GALNT9: variants seen among roughly 807,000 people sequenced by gnomAD.
The protein encoded by GALNT9 is polypeptide N-acetylgalactosaminyltransferase 9.
In GALNT9, 47 loss-of-function variants were observed where a neutral mutation model predicts 63.1. The ratio of observed to expected loss-of-function variants is 0.75; its 90% CI spans 0.59 to 0.95. The LOEUF (loss-of-function observed/expected upper bound fraction) is 0.95, where lower values mean the gene tolerates loss of function less well. Ranked by LOEUF, GALNT9 falls within the 40% of genes least tolerant of loss-of-function variation. The pLI is 0.00. For missense variants in GALNT9, 829 were observed against 874.8 expected (o/e 0.95, Z 0.66); for synonymous variants, 396 against 365.7 (o/e 1.08, Z -0.94).
At chr12:132,260,299 AGTCGGGCCCTGCCCACAC>A (rs1879327280) in intron 4 of GALNT9, among the ~76,000 whole-genome samples, 1 of 151,914 alleles carries the variant, frequency 6.6e-6, no homozygotes, top group Non-Finnish European at 1.5e-5. Flanking sequence ...CACACCTTGG[AGTCGGGCCCTGCCCACAC>A]CTTGGAGTCG....
At position 132,246,905 on chromosome 12, in the gene GALNT9, G is replaced by C. The variant is rs1331032522; in HGVS notation, c.1077+1005C>G. On this transcript the variant is annotated intron_variant, in intron 6 of 10. Transcript: ENST00000328957. The surrounding 1 kb of genome is among the most constrained non-coding windows in gnomAD (Gnocchi z 4.7). ...GGGGAAGGAGGCCGTTTTATTGATT[G>C]AATTTGTGTCCACGATAGTACGATC... Among the ~76,000 whole-genome samples, 6 of 152,200 alleles carry C rather than the reference G, an allele frequency of 3.9e-5. No homozygotes were observed. The East Asian group carries it at 1.2e-3, about 29-fold the overall frequency.
chr12:132,210,164 C>T (rs151201800), intron 6 of GALNT9, among the ~76,000 whole-genome samples: 4,608 of 152,222 alleles, frequency 0.03, 110 homozygotes, highest in South Asian at 0.069. Flanking sequence ...CCCTGGGGCC[C>T]GTCGTCTGCA....
chr12:132,327,102 G>A lies in GALNT9; in HGVS notation c.238+1864C>T, dbSNP rs1555246565. On this transcript the variant is annotated intron_variant, in intron 1 of 10. Transcript: ENST00000328957. The surrounding 1 kb of genome is among the most constrained non-coding windows in gnomAD (Gnocchi z 4.3). The stretch of plus-strand genomic sequence containing the variant: ...GCCTCATCAAAAGGTTGAGGGCAAA[G>A]ACAGAGGCAGACAGATGGCAGGGGC... 6.6e-6 allele frequency among the ~76,000 whole-genome samples: 1 copy of A among 152,170 alleles called. No homozygotes were observed. Among genetic ancestry groups the A allele is most frequent in the Non-Finnish European group, 1.5e-5 (1 of 68,038 alleles).
chr12:132,219,724 G>A lies in GALNT9; in HGVS notation c.1078-16034C>T, dbSNP rs562039909. On this transcript the variant is annotated intron_variant, in intron 6 of 10. Transcript: ENST00000328957. ...GGTAAGGGGAAGGGACACCTCCCCA[G>A]GGTGACACCCGCCCGGGTAAGGGGA... 9.1e-5 allele frequency among the ~76,000 whole-genome samples: 13 copies of A among 143,336 alleles called. No homozygotes were observed. In the South Asian group the frequency reaches 2.6e-3, roughly 28 times the overall value. 94.0% of individuals were successfully genotyped at this position (143,336 alleles called of 152,430 possible). A position where few individuals can be genotyped will look rare whatever the true frequency, so the allele number is the denominator to read the frequency against.
In GALNT9 at chr12:132,296,920, C is replaced by G. The variant is rs1555243320; in HGVS notation, c.239-10490G>C. Among the ~76,000 whole-genome samples, 1 of 152,084 alleles carries G rather than the reference C, an allele frequency of 6.6e-6. No homozygotes were observed. The highest frequency in any genetic ancestry group is 1.5e-5 in the Non-Finnish European group (1 of 68,002). ...CAACTCACTCCCAAGATACCCAACT[C>G]ACTCCTGAAATAACAAAGCCACTCC... is the stretch of plus-strand genomic sequence containing the variant. On this transcript the variant is annotated intron_variant, in intron 1 of 10. Transcript: ENST00000328957. This position sits in a 1 kb window ranked among gnomAD's most constrained non-coding sequence, Gnocchi z 4.2.
intron 4 of GALNT9, among the ~76,000 whole-genome samples, chr12:132,259,211 A>G (rs1394697343): frequency 2.6e-5 from 4 of 152,248 alleles, no homozygotes; most frequent in South Asian, 2.1e-4. Flanking sequence ...TTGCAGATGG[A>G]TAACTGGGTT....
chr12:132,254,738 T>C (rs1405343738), intron 5 of GALNT9, among the ~76,000 whole-genome samples: 1 of 152,222 alleles, frequency 6.6e-6, no homozygotes, highest in Non-Finnish European at 1.5e-5. Flanking sequence ...TTCTTTCTCT[T>C]GAAATAGTCA....
intron 6 of GALNT9, among the ~76,000 whole-genome samples, chr12:132,215,010 C>A: frequency 6.6e-6 from 1 of 152,378 alleles, no homozygotes; most frequent in East Asian, 1.9e-4. Context: ...AACCTGCCGG[C>A]CTCTGTAGCA....
At chr12:132,266,278 G>A (rs1424581714) in intron 2 of GALNT9, among the ~76,000 whole-genome samples, 8 of 152,186 alleles carry the variant, frequency 5.3e-5, no homozygotes, top group African/African-American at 1.9e-4. Flanking sequence ...GACTCCCCTC[G>A]AGCTAAGGGG....
At chr12:132,324,199 C>T (rs1251980309) in intron 1 of GALNT9, among the ~76,000 whole-genome samples, 1 of 152,180 alleles carries the variant, frequency 6.6e-6, no homozygotes, top group Non-Finnish European at 1.5e-5. Context: ...TTTTTAGAAA[C>T]CCACACCTGA....
At chr12:132,328,230 A>C (rs1375808542) in intron 1 of GALNT9, among the ~76,000 whole-genome samples, 2 of 152,026 alleles carry the variant, frequency 1.3e-5, no homozygotes, top group Non-Finnish European at 2.9e-5. Context: ...CCTCGGGCTG[A>C]CCTACGTCCG....
intron 10 of GALNT9, among the ~76,000 whole-genome samples, chr12:132,197,531 C>T (rs1875602872): frequency 6.6e-6 from 1 of 152,208 alleles, no homozygotes; most frequent in Non-Finnish European, 1.5e-5. Context: ...GCACCTGAGG[C>T]TGGAAGAGGC....
chr12:132,290,218 T>G (rs1555242578), intron 1 of GALNT9, among the ~76,000 whole-genome samples: 1 of 152,084 alleles, frequency 6.6e-6, no homozygotes, highest in Non-Finnish European at 1.5e-5. Flanking sequence ...GCCTGGACCT[T>G]GCAGAGCCAG....
At position 132,257,712 on chromosome 12, in the gene GALNT9, G is replaced by A. The variant is rs373545934; in HGVS notation, c.936C>T (p.Arg312=). The A allele has an allele frequency of 7.2e-4, 1,111 of 1,549,724 alleles. 1 individual carries two copies. Among genetic ancestry groups the A allele is most frequent in the Non-Finnish European group, 8.0e-4 (922 of 1,146,718 alleles). The change falls in exon 5 of 11, where the codon CGC becomes CGT. Residue 312 remains arginine (R), a synonymous_variant. Coordinates refer to ENST00000328957, the MANE Select transcript of GALNT9 (RefSeq NM_001122636.2). ...YIIPPQDWLD[R]GDESAPIRTP... ...ACCTGATGGGTGCTGACTCGTCGCC[G>A]CGGTCCAGCCAGTCCTGCGGGGGGA...
At chr12:132,258,333 G>A (rs781843262) in intron 4 of GALNT9, among the ~76,000 whole-genome samples, 8 of 152,188 alleles carry the variant, frequency 5.3e-5, no homozygotes, top group Non-Finnish European at 7.3e-5. Flanking sequence ...TATGTGCCAC[G>A]CCCTGTTCCC....
At position 132,197,854 on chromosome 12, in the gene GALNT9, G is replaced by A. The variant is rs769858779; in HGVS notation, c.1603C>T (p.Pro535Ser). 2.5e-6 allele frequency: 4 copies of A among 1,607,748 alleles called. No individual in the cohort carries two copies. The highest frequency in any genetic ancestry group is 3.4e-6 in the Non-Finnish European group (4 of 1,178,018). ...ACATCCTCACACTTCTTCAGGGTGG[G>A]CATGCGGCCCGTGCCGTCATCCACC... ...CLVDDGTGRM[P>S]TLKKCEDVAR... The change falls in exon 10 of 11, where the codon CCC becomes TCC. Residue 535 changes from proline (P) to serine (S), a missense_variant. By Grantham distance (74) the Pro-to-Ser change is moderately conservative (BLOSUM62 -1). Coordinates refer to ENST00000328957, the MANE Select transcript of GALNT9 (RefSeq NM_001122636.2).
intron 1 of GALNT9, among the ~76,000 whole-genome samples, chr12:132,306,714 G>A (rs1359069525): frequency 7.9e-5 from 12 of 152,174 alleles, no homozygotes; most frequent in South Asian, 6.2e-4. Flanking sequence ...TGTGACTTGC[G>A]CGAGGAAAAG....
At chr12:132,259,991 G>A (rs942066383) in intron 4 of GALNT9, among the ~76,000 whole-genome samples, 1 of 104,154 alleles carries the variant, frequency 9.6e-6, no homozygotes, top group South Asian at 3.5e-4. Flanking sequence ...GGGCCTGCCT[G>A]GGTGCGGGGA....
intron 6 of GALNT9, among the ~76,000 whole-genome samples, chr12:132,210,058 C>T (rs113854670): frequency 0.044 from 6,664 of 152,204 alleles, 174 homozygotes; most frequent in Middle Eastern, 0.085. Flanking sequence ...GAGGAAGACA[C>T]GGGTGGCGTG....
Sources: gnomAD v4.1 joint callset for allele counts (sites outside exome capture counted in the v4.1 genomes callset) on GRCh38, gnomAD v4.1.1 for gene constraint, Gnocchi (gnomAD v3.1) non-coding constraint, MANE v1.5 for transcripts, NCBI Gene and HGNC (gene_info 2026-07-23, HGNC 2026-07-21) for gene names.